IGF1R: variants seen among roughly 807,000 people sequenced by gnomAD.
IGF1R encodes the protein insulin-like growth factor 1 receptor.
In IGF1R, 44 loss-of-function variants were observed where a neutral mutation model predicts 144.6. That is an observed-to-expected ratio of 0.30 (90% CI 0.24 to 0.39). IGF1R has a LOEUF of 0.39. Among genes scored for constraint, IGF1R ranks in the 10% least tolerant of loss-of-function variants. The pLI, the probability that IGF1R is intolerant of heterozygous loss-of-function variation, is 1.00. For missense variants in IGF1R, 1,355 were observed against 1,833.7 expected (o/e 0.74, Z 4.77); for synonymous variants, 795 against 722.8 (o/e 1.10, Z -1.60).
chr15:98,657,907 C>T (rs2052521718), intron 1 of IGF1R, among the ~76,000 whole-genome samples: 1 of 152,154 alleles, frequency 6.6e-6, no homozygotes, highest in Non-Finnish European at 1.5e-5. Flanking sequence ...ACCCCTATTC[C>T]GGGATCCAGC....
intron 2 of IGF1R, among the ~76,000 whole-genome samples, chr15:98,741,283 G>A (rs1474928499): frequency 8.0e-6 from 1 of 124,296 alleles, no homozygotes; most frequent in Non-Finnish European, 1.6e-5. Flanking sequence ...ACCTATGCAA[G>A]CTGAAAAACT....
At chr15:98,664,959 A>AT (rs376830930) in intron 1 of IGF1R, among the ~76,000 whole-genome samples, 11,747 of 130,112 alleles carry the variant, frequency 0.09, 859 homozygotes, top group African/African-American at 0.18. Flanking sequence ...AACCAGCTTC[A>AT]TTTTTTTTTT....
chr15:98,824,566 T>C (rs2056857950), intron 2 of IGF1R, among the ~76,000 whole-genome samples: 1 of 152,240 alleles, frequency 6.6e-6, no homozygotes, highest in South Asian at 2.1e-4. Context: ...CACCTTGGCT[T>C]ATCTTCTTGC....
chr15:98,962,816 T>C lies in IGF1R; in HGVS notation c.*5374T>C, dbSNP rs1353930391. The C allele has an allele frequency of 1.3e-5, 3 of 233,726 alleles. No individual in the cohort carries two copies. The East Asian group carries it at 1.8e-4, about 14-fold the overall frequency. 14.5% of individuals were successfully genotyped at this position (233,726 alleles called of 1,614,324 possible). On this transcript the variant is annotated 3_prime_UTR_variant, in exon 21 of 21. Coordinates refer to ENST00000650285, the MANE Select transcript of IGF1R (RefSeq NM_000875.5). ...GTTTCAACAAAGAAACCTAACATCCTACTCTGGAAACTGATCTCGGAGTTA... is the reference window on the plus strand; with the variant it reads ...GTTTCAACAAAGAAACCTAACATCCCACTCTGGAAACTGATCTCGGAGTTA...
At chr15:98,664,066 C>T (rs1486321623) in intron 1 of IGF1R, among the ~76,000 whole-genome samples, 2 of 152,184 alleles carry the variant, frequency 1.3e-5, no homozygotes, top group African/African-American at 4.8e-5. Flanking sequence ...CACAGTTCTG[C>T]AAGAGACTTC....
chr15:98,652,621 G>A (rs1391517685), intron 1 of IGF1R, among the ~76,000 whole-genome samples: 1 of 152,206 alleles, frequency 6.6e-6, no homozygotes, highest in East Asian at 1.9e-4. Flanking sequence ...AATAGATGAA[G>A]CTTAAAAATA....
chr15:98,770,818 A>G (rs1353686100), intron 2 of IGF1R, among the ~76,000 whole-genome samples: 1 of 152,000 alleles, frequency 6.6e-6, no homozygotes, highest in African/African-American at 2.4e-5. Context: ...CCTTTCCAAC[A>G]TGGAATCCTG....
chr15:98,718,251 C>G (rs2054168163), intron 2 of IGF1R, among the ~76,000 whole-genome samples: 1 of 152,218 alleles, frequency 6.6e-6, no homozygotes. Context: ...GCGCCCAGTC[C>G]TCTCTTCTTT....
At chr15:98,833,691 T>A (rs1030749471) in intron 2 of IGF1R, among the ~76,000 whole-genome samples, 1 of 152,232 alleles carries the variant, frequency 6.6e-6, no homozygotes, top group African/African-American at 2.4e-5. Flanking sequence ...CCCAAGCTTA[T>A]ATCACATAAA....
intron 2 of IGF1R, among the ~76,000 whole-genome samples, chr15:98,746,243 A>G (rs74607182): frequency 2.0e-5 from 3 of 152,154 alleles, no homozygotes; most frequent in African/African-American, 4.8e-5. Context: ...GTAGGTGGGG[A>G]AACATCTAGG....
At chr15:98,919,625 A>G (rs570473138) in intron 10 of IGF1R, among the ~76,000 whole-genome samples, 4 of 152,352 alleles carry the variant, frequency 2.6e-5, no homozygotes, top group African/African-American at 7.2e-5. Context: ...AAGTGTGTTT[A>G]TCTGTCCCCC....
Position 98,958,077 on chromosome 15 carries a change from G to A in IGF1R, c.*635G>A, listed in dbSNP as rs17847204. ...CTCATCGGCCCGGCGCTGATTCCTC[G>A]TGTCCGGAGGCATGGGTGAGCATGG... On this transcript the variant is annotated 3_prime_UTR_variant, in exon 21 of 21. Coordinates refer to ENST00000650285, the MANE Select transcript of IGF1R (RefSeq NM_000875.5). 8.6e-4 allele frequency: 201 copies of A among 233,986 alleles called. No homozygotes were observed. The highest frequency in any genetic ancestry group is 4.6e-3 in the East Asian group (76 of 16,554). 14.5% of individuals were successfully genotyped at this position (233,986 alleles called of 1,614,324 possible). A position where few individuals can be genotyped will look rare whatever the true frequency, so the allele number is the denominator to read the frequency against.
chr15:98,779,168 G>A (rs773834057), intron 2 of IGF1R, among the ~76,000 whole-genome samples: 5 of 152,108 alleles, frequency 3.3e-5, no homozygotes, highest in East Asian at 3.9e-4. Context: ...ATTCAAGGTC[G>A]GTGTATTTTG....
In IGF1R at chr15:98,688,871, T is replaced by G. The variant is rs199773392; in HGVS notation, c.95-18691T>G. 8.5e-5 allele frequency among the ~76,000 whole-genome samples: 13 copies of G among 152,266 alleles called. 2 individuals carry two copies. In the East Asian group the frequency reaches 2.5e-3, roughly 29 times the overall value. The stretch of plus-strand genomic sequence containing the variant: ...CAGGACCTAAAAAATAAACCTTGAT[T>G]AATCTTGGAAGCCTCTTTTTACGCA... On this transcript the variant is annotated intron_variant, in intron 1 of 20. Coordinates refer to ENST00000650285, the MANE Select transcript of IGF1R (RefSeq NM_000875.5).
At chr15:98,854,148 G>C (rs955779371) in intron 2 of IGF1R, among the ~76,000 whole-genome samples, 3 of 152,206 alleles carry the variant, frequency 2.0e-5, no homozygotes, top group African/African-American at 7.2e-5. Context: ...GAGAGTGTCA[G>C]AGCTGGTGCA....
intron 2 of IGF1R, among the ~76,000 whole-genome samples, chr15:98,826,727 G>A (rs911878320): frequency 4.6e-5 from 7 of 152,150 alleles, no homozygotes; most frequent in African/African-American, 1.7e-4. Context: ...AAATGTTTTA[G>A]GGAGCTGTTT....
rs1238200617 is a variant in IGF1R, at chr15:98,891,927, C to G, written c.953+290C>G. 1.3e-5 allele frequency among the ~76,000 whole-genome samples: 2 copies of G among 152,192 alleles called. No homozygotes were observed. Among genetic ancestry groups the G allele is most frequent in the Non-Finnish European group, 2.9e-5 (2 of 68,034 alleles). On this transcript the variant is annotated intron_variant, in intron 3 of 20. Coordinates refer to ENST00000650285, the MANE Select transcript of IGF1R (RefSeq NM_000875.5). The surrounding 1 kb of genome is among the most constrained non-coding windows in gnomAD (Gnocchi z 4.7). ...GGTTTCGATACCCAGAGTTCATAGT[C>G]TCTCTGGGTACTTGCCAAGCTGCCA... is the stretch of plus-strand genomic sequence containing the variant.
intron 2 of IGF1R, among the ~76,000 whole-genome samples, chr15:98,729,995 T>C (rs2054460552): frequency 6.6e-6 from 1 of 152,228 alleles, no homozygotes; most frequent in African/African-American, 2.4e-5. Context: ...GCATCTGGTC[T>C]AAAGGCACAG....
chr15:98,843,381 A>G (rs1221106001), intron 2 of IGF1R, among the ~76,000 whole-genome samples: 1 of 152,186 alleles, frequency 6.6e-6, no homozygotes, highest in Non-Finnish European at 1.5e-5. Flanking sequence ...TGTGCGAGAT[A>G]CTGAGGAAGC....
Sources: gnomAD v4.1 joint callset for allele counts (sites outside exome capture counted in the v4.1 genomes callset) on GRCh38, gnomAD v4.1.1 for gene constraint, Gnocchi (gnomAD v3.1) non-coding constraint, MANE v1.5 for transcripts, NCBI Gene and HGNC (gene_info 2026-07-23, HGNC 2026-07-21) for gene names.